The following MAP2K4 variants were observed in gnomAD, a reference collection of about 807,000 sequenced individuals.
The protein encoded by MAP2K4 is dual specificity mitogen-activated protein kinase kinase 4.
In MAP2K4, 4 loss-of-function variants were observed where a neutral mutation model predicts 48.5. The observed-to-expected ratio is 0.08, with a 90% CI of 0.04 to 0.19. The LOEUF (loss-of-function observed/expected upper bound fraction) is 0.19, where lower values mean the gene tolerates loss of function less well. Among genes scored for constraint, MAP2K4 ranks in the 10% least tolerant of loss-of-function variants. The probability of loss-of-function intolerance (pLI) is 1.00; values close to 1 mark genes in which losing one functional copy is unlikely to be tolerated. For missense variants in MAP2K4, 258 were observed against 493.3 expected, an observed-to-expected ratio of 0.52 and a Z score of 4.52; for synonymous variants, 166 against 173.1, an observed-to-expected ratio of 0.96 and a Z score of 0.32.
At chr17:12,118,344 G>A (rs1972568629) in intron 7 of MAP2K4, among the ~76,000 whole-genome samples, 2 of 152,124 alleles carry the variant, frequency 1.3e-5, no homozygotes, top group Admixed American at 1.3e-4. Context: ...AATGCAGTAG[G>A]CCCGTATAGG....
intron 1 of MAP2K4, among the ~76,000 whole-genome samples, chr17:12,023,868 C>T (rs1969171950): frequency 6.6e-6 from 1 of 152,128 alleles, no homozygotes; most frequent in Non-Finnish European, 1.5e-5. Context: ...CTTACCTCCC[C>T]GGTGGCTTTG....
chr17:12,021,205 C>T (rs1020163212), intron 1 of MAP2K4: 17 of 326,144 alleles, frequency 5.2e-5, no homozygotes, highest in African/African-American at 3.5e-4. Context: ...GCATAGGCCC[C>T]GGCCGCGGCC....
At chr17:12,088,605 A>G (rs1043912845) in intron 3 of MAP2K4, among the ~76,000 whole-genome samples, 2 of 132,836 alleles carry the variant, frequency 1.5e-5, no homozygotes, top group East Asian at 2.2e-4. Context: ...TATATTATAT[A>G]TAATATGTAA....
At chr17:12,115,620 A>G in intron 7 of MAP2K4, 1 of 740,604 alleles carries the variant, frequency 1.4e-6, no homozygotes, top group Non-Finnish European at 2.5e-6. Context: ...AAGAGGCTAT[A>G]GAAAGCACAA....
At chr17:12,049,683 A>G (rs1306941032) in intron 1 of MAP2K4, among the ~76,000 whole-genome samples, 1 of 152,220 alleles carries the variant, frequency 6.6e-6, no homozygotes, top group Non-Finnish European at 1.5e-5. Flanking sequence ...GCAAGGCCTC[A>G]TAAAGGGCTT....
intron 10 of MAP2K4, among the ~76,000 whole-genome samples, chr17:12,140,242 T>A (rs766548250): frequency 2.0e-5 from 3 of 152,170 alleles, no homozygotes; most frequent in Non-Finnish European, 4.4e-5. Context: ...TTTATAAAAT[T>A]CATGCAAATT....
chr17:12,135,162 C>A (rs1567676811), intron 9 of MAP2K4, among the ~76,000 whole-genome samples: 1 of 152,170 alleles, frequency 6.6e-6, no homozygotes, highest in Non-Finnish European at 1.5e-5. Flanking sequence ...GATCTCGGCT[C>A]ACCGCAGCCT....
intron 1 of MAP2K4, among the ~76,000 whole-genome samples, chr17:12,032,870 C>T (rs1969482030): frequency 6.6e-6 from 1 of 152,124 alleles, no homozygotes; most frequent in African/African-American, 2.4e-5. Flanking sequence ...GACAGGGTCC[C>T]ACTCTGTTGT....
At chr17:12,129,426 A>G in intron 9 of MAP2K4, 139 bp downstream of exon 9, 1 of 944,474 alleles carries the variant, frequency 1.1e-6, no homozygotes, top group Non-Finnish European at 1.6e-6. Flanking sequence ...GGGACTCTGG[A>G]TCACTGTGGC....
chr17:12,030,427 TA>T (rs1969398637), intron 1 of MAP2K4, among the ~76,000 whole-genome samples: 2 of 152,290 alleles, frequency 1.3e-5, no homozygotes, highest in Non-Finnish European at 1.5e-5. Flanking sequence ...AGAACAAGTC[TA>T]TACTTATGCT....
intron 1 of MAP2K4, among the ~76,000 whole-genome samples, chr17:12,038,852 C>T (rs1177921986): frequency 6.6e-6 from 1 of 152,120 alleles, no homozygotes; most frequent in Non-Finnish European, 1.5e-5. Context: ...ACAGTTTACA[C>T]GTTGTAAACC....
At chr17:12,105,815 T>G (rs1480250931) in intron 4 of MAP2K4, among the ~76,000 whole-genome samples, 1 of 152,060 alleles carries the variant, frequency 6.6e-6, no homozygotes, top group Non-Finnish European at 1.5e-5. Flanking sequence ...TCCCCCCTTC[T>G]CATCTTCAGT....
At chr17:12,130,898 G>T (rs1193877833) in intron 9 of MAP2K4, among the ~76,000 whole-genome samples, 1 of 152,014 alleles carries the variant, frequency 6.6e-6, no homozygotes, top group Non-Finnish European at 1.5e-5. Context: ...TATTAGAGTT[G>T]TATTTTTTAT....
At chr17:12,025,625 T>C (rs1000874915) in intron 1 of MAP2K4, among the ~76,000 whole-genome samples, 10 of 152,226 alleles carry the variant, frequency 6.6e-5, no homozygotes, top group African/African-American at 2.4e-4. Context: ...TACAGAAAAC[T>C]TTGTGACCAG....
chr17:12,030,250 GC>G, intron 1 of MAP2K4, among the ~76,000 whole-genome samples: 1 of 152,132 alleles, frequency 6.6e-6, no homozygotes, highest in East Asian at 1.9e-4. Context: ...TTACAGAATT[GC>G]TAAAGAAAAG....
At chr17:12,072,335 A>G (rs1231097971) in intron 2 of MAP2K4, among the ~76,000 whole-genome samples, 2 of 152,136 alleles carry the variant, frequency 1.3e-5, no homozygotes, top group Non-Finnish European at 2.9e-5. Flanking sequence ...CCAATACAGT[A>G]TTTTCAGGAA....
chr17:12,128,177 A>G (rs1044619825), intron 8 of MAP2K4, among the ~76,000 whole-genome samples: 1 of 152,202 alleles, frequency 6.6e-6, no homozygotes, highest in Non-Finnish European at 1.5e-5. Flanking sequence ...TCCTGGGTTC[A>G]TGCCATTCCC....
At chr17:12,092,561 T>G (rs1393440204) in intron 3 of MAP2K4, among the ~76,000 whole-genome samples, 1 of 152,228 alleles carries the variant, frequency 6.6e-6, no homozygotes, top group Non-Finnish European at 1.5e-5. Context: ...CATTATGTAT[T>G]CTACTTGAGT....
At chr17:12,053,576 T>C (rs1179973514) in intron 1 of MAP2K4, among the ~76,000 whole-genome samples, 2 of 152,142 alleles carry the variant, frequency 1.3e-5, no homozygotes, top group Admixed American at 1.3e-4. Context: ...TCATATCTGC[T>C]ATGTTTCCTA....
Sources: gnomAD v4.1 joint callset for allele counts (sites outside exome capture counted in the v4.1 genomes callset) on GRCh38, gnomAD v4.1.1 for gene constraint, MANE v1.5 for transcripts, NCBI Gene and HGNC (gene_info 2026-07-23, HGNC 2026-07-21) for gene names.